The following FAM53B variants were observed in gnomAD, a reference collection of about 807,000 sequenced individuals.
The protein encoded by FAM53B is family with sequence similarity 53 member B.
FAM53B carries 12 observed loss-of-function variants against 32.7 expected under a neutral mutation model. The observed-to-expected ratio is 0.37, with a 90% CI of 0.24 to 0.59. The LOEUF is 0.59. FAM53B is among the 20% of genes least tolerant of loss of function. The pLI, the probability that FAM53B is intolerant of heterozygous loss-of-function variation, is 0.72. For missense variants in FAM53B, 477 were observed against 577.7 expected, an observed-to-expected ratio of 0.83 and a Z score of 1.79; for synonymous variants, 234 against 228.7, an observed-to-expected ratio of 1.02 and a Z score of -0.21.
rs1028876753 is a variant in FAM53B, at chr10:124,702,556, A to C, written c.78+4080T>G. Among the ~76,000 whole-genome samples, 3 of 152,194 alleles carry C rather than the reference A, an allele frequency of 2.0e-5. No individual in the cohort carries two copies. The East Asian group carries it at 5.8e-4, about 29-fold the overall frequency. ...CCTCTGGAACAGGGCCCATGCGAGA[A>C]GGTGCTGGGGGAAGCAGACAAGGGC... On this transcript the variant is annotated intron_variant, in intron 2 of 4. Transcript: ENST00000337318.
At chr10:124,688,536 G>A (rs372543013) in intron 3 of FAM53B, among the ~76,000 whole-genome samples, 1 of 152,218 alleles carries the variant, frequency 6.6e-6, no homozygotes, top group African/African-American at 2.4e-5. Context: ...GACAGACTAG[G>A]TAAGCAAGGT....
chr10:124,640,967 G>A (rs1331906960), intron 4 of FAM53B, among the ~76,000 whole-genome samples: 1 of 152,254 alleles, frequency 6.6e-6, no homozygotes, highest in Non-Finnish European at 1.5e-5. Flanking sequence ...AAGGGACAAA[G>A]GCTGTGGGTA....
chr10:124,653,293 C>G (rs1343706057), intron 4 of FAM53B, among the ~76,000 whole-genome samples: 1 of 152,238 alleles, frequency 6.6e-6, no homozygotes, highest in Non-Finnish European at 1.5e-5. Context: ...CTCCAGATTT[C>G]CAGAAGAGCT....
intron 4 of FAM53B, among the ~76,000 whole-genome samples, chr10:124,650,405 T>C (rs190892463): frequency 3.1e-4 from 47 of 152,298 alleles, no homozygotes; most frequent in Middle Eastern, 3.4e-3. Flanking sequence ...GTTTTGGCAG[T>C]GGTGCTTGTG....
intron 4 of FAM53B, among the ~76,000 whole-genome samples, chr10:124,631,242 C>A (rs111868775): frequency 4.6e-5 from 7 of 152,332 alleles, no homozygotes; most frequent in African/African-American, 1.7e-4. Context: ...CCTACGGTAA[C>A]TCGAGGCCTA....
chr10:124,707,179 G>A (rs1949966100), intron 1 of FAM53B, among the ~76,000 whole-genome samples: 1 of 152,188 alleles, frequency 6.6e-6, no homozygotes, highest in Non-Finnish European at 1.5e-5. Flanking sequence ...GGTCTGGGTG[G>A]CTAACAATCT....
intron 1 of FAM53B, chr10:124,713,672 C>A (rs887288333): frequency 7.2e-5 from 11 of 152,210 alleles, no homozygotes; most frequent in African/African-American, 2.7e-4. Flanking sequence ...GAAGGGCTAT[C>A]CCTTAAAAGA....
chr10:124,626,724 G>A (rs1191649714), intron 4 of FAM53B, among the ~76,000 whole-genome samples: 1 of 152,240 alleles, frequency 6.6e-6, no homozygotes, highest in East Asian at 1.9e-4. Flanking sequence ...GCCAGGCACG[G>A]GCACTGGAGA....
intron 4 of FAM53B, among the ~76,000 whole-genome samples, chr10:124,672,320 G>A (rs117750460): frequency 2.8e-3 from 423 of 152,334 alleles, no homozygotes; most frequent in South Asian, 0.011. Context: ...TCAACAGCCC[G>A]CAGGCACCAT....
At chr10:124,653,211 G>GAA (rs546397121) in intron 4 of FAM53B, among the ~76,000 whole-genome samples, 2 of 152,082 alleles carry the variant, frequency 1.3e-5, no homozygotes, top group Non-Finnish European at 2.9e-5. Context: ...CAGTGAATGG[G>GAA]GAGAAGCCCA....
At chr10:124,740,498 A>G (rs1369030174) in intron 1 of FAM53B, among the ~76,000 whole-genome samples, 1 of 152,218 alleles carries the variant, frequency 6.6e-6, no homozygotes, top group Non-Finnish European at 1.5e-5. Flanking sequence ...CAGCATATCT[A>G]AGCCTCTGGG....
chr10:124,702,394 C>G (rs974659853), intron 2 of FAM53B, among the ~76,000 whole-genome samples: 4 of 152,238 alleles, frequency 2.6e-5, no homozygotes, highest in African/African-American at 9.6e-5. Context: ...CTGTTCAAAG[C>G]AAATGCTAGC....
chr10:124,626,190 G>A (rs75050433), intron 4 of FAM53B, among the ~76,000 whole-genome samples: 1 of 152,270 alleles, frequency 6.6e-6, no homozygotes, highest in African/African-American at 2.4e-5. Flanking sequence ...GGCCTCGCAC[G>A]TGAACGCAGC....
intron 4 of FAM53B, among the ~76,000 whole-genome samples, chr10:124,650,896 CCT>C (rs755624895): frequency 6.6e-6 from 1 of 152,140 alleles, no homozygotes; most frequent in Non-Finnish European, 1.5e-5. Flanking sequence ...CTGAAACCCC[CCT>C]CTTGCCTTCA....
intron 4 of FAM53B, among the ~76,000 whole-genome samples, chr10:124,658,593 A>G (rs1056661095): frequency 6.6e-6 from 1 of 152,346 alleles, no homozygotes; most frequent in Middle Eastern, 3.4e-3. Flanking sequence ...AACCATCCAT[A>G]CAAGTCCTGG....
intron 1 of FAM53B, among the ~76,000 whole-genome samples, chr10:124,711,405 T>G (rs1376917745): frequency 1.3e-5 from 2 of 152,162 alleles, no homozygotes; most frequent in East Asian, 3.9e-4. Context: ...CTTGACTGTA[T>G]CCGTGACAAT....
rs1456968585 is a variant in FAM53B, at chr10:124,681,859, C to G, written c.654G>C (p.Val218=). The G allele has an allele frequency of 6.2e-7, 1 of 1,613,176 alleles. No homozygotes were observed. The highest frequency in any genetic ancestry group is 1.7e-4 in the Middle Eastern group (1 of 6,060). The change falls in exon 4 of 5, where the codon GTG becomes GTC. Residue 218 remains valine (V), a synonymous_variant. Transcript: ENST00000337318. ...GDTWSPDLHP[V]GGGRLDLQRS... ...GCTGCAGGTCCAGCCGGCCTCCTCC[C>G]ACGGGGTGCAGGTCAGGGCTCCAGG...
intron 3 of FAM53B, among the ~76,000 whole-genome samples, chr10:124,689,534 A>C (rs117901221): frequency 6.6e-6 from 1 of 152,372 alleles, no homozygotes; most frequent in Non-Finnish European, 1.5e-5. Flanking sequence ...ACAGGACACC[A>C]AGTTCCTCAC....
At position 124,646,117 on chromosome 10, in the gene FAM53B, G is replaced by A. The variant is rs942872721; in HGVS notation, c.907-22513C>T. Among the ~76,000 whole-genome samples the A allele has an allele frequency of 7.2e-5, 11 of 152,330 alleles. No individual in the cohort carries two copies. The South Asian group carries it at 2.1e-3, about 29-fold the overall frequency. On this transcript the variant is annotated intron_variant, in intron 4 of 4. Coordinates refer to ENST00000337318, the MANE Select transcript of FAM53B (RefSeq NM_014661.4). The stretch of plus-strand genomic sequence containing the variant: ...TGTTGCCCCCAGCTGAGGACCACTT[G>A]TCATGACTGCGGGAGGGGGAACAAT...
Sources: allele counts gnomAD v4.1 joint callset (sites outside exome capture counted in the v4.1 genomes callset), GRCh38; gene constraint gnomAD v4.1.1; transcripts MANE v1.5; gene names NCBI Gene and HGNC (gene_info 2026-07-23, HGNC 2026-07-21).